The following EIF3H variants were observed in gnomAD, a reference collection of about 807,000 sequenced individuals.
The protein encoded by EIF3H is eIF-3-gamma.
Under a neutral mutation model 44.2 loss-of-function variants are expected in EIF3H, and 26 were observed. The ratio of observed to expected loss-of-function variants is 0.59; its 90% CI spans 0.43 to 0.82. The LOEUF (loss-of-function observed/expected upper bound fraction) is 0.82, where lower values mean the gene tolerates loss of function less well. Ranked by LOEUF, EIF3H falls within the 40% of genes least tolerant of loss-of-function variation. The pLI is 0.00. For missense variants in EIF3H, 359 were observed against 432.8 expected (o/e 0.83, Z 1.51); for synonymous variants, 166 against 151.9 (o/e 1.09, Z -0.68).
At chr8:116,655,718 C>A in intron 5 of EIF3H, 138 bp downstream of exon 5, 1 of 878,678 alleles carries the variant, frequency 1.1e-6, no homozygotes, top group Admixed American at 2.7e-5. Context: ...CAGACTATTA[C>A]TCCATGTTAT....
At chr8:116,754,762 G>T (rs970471146) in intron 1 of EIF3H, among the ~76,000 whole-genome samples, 2 of 152,230 alleles carry the variant, frequency 1.3e-5, no homozygotes, top group African/African-American at 4.8e-5. Flanking sequence ...AACTAAGTCA[G>T]TTCAACAGAT....
chr8:116,754,675 AC>A (rs1815411306), intron 1 of EIF3H, among the ~76,000 whole-genome samples: 1 of 152,190 alleles, frequency 6.6e-6, no homozygotes, highest in Non-Finnish European at 1.5e-5. Flanking sequence ...CCTTAAAGTC[AC>A]AGAGCTGGTT....
intron 2 of EIF3H, among the ~76,000 whole-genome samples, chr8:116,680,800 G>A (rs1813971936): frequency 7.1e-6 from 1 of 141,104 alleles, no homozygotes; most frequent in Non-Finnish European, 1.5e-5. Flanking sequence ...CCCCCTCTGC[G>A]AGAAACACCC....
At chr8:116,733,821 A>G (rs1441840832) in intron 1 of EIF3H, among the ~76,000 whole-genome samples, 2 of 152,202 alleles carry the variant, frequency 1.3e-5, no homozygotes, top group African/African-American at 4.8e-5. Context: ...TTAATGAAAA[A>G]TATTTTATAA....
chr8:116,686,925 A>C (rs1405513684), intron 2 of EIF3H, among the ~76,000 whole-genome samples: 6 of 152,238 alleles, frequency 3.9e-5, no homozygotes, highest in African/African-American at 1.4e-4. Context: ...AGAATAAAAA[A>C]TAAAGCTGGG....
At chr8:116,691,038 G>A (rs749968589) in intron 2 of EIF3H, among the ~76,000 whole-genome samples, 21 of 152,094 alleles carry the variant, frequency 1.4e-4, no homozygotes, top group Non-Finnish European at 2.8e-4. Context: ...CAACTCTGTT[G>A]CCCCTCAGTA....
At chr8:116,758,494 A>G (rs947112892), upstream of EIF3H, among the ~76,000 whole-genome samples, 8 of 152,222 alleles carry the variant, frequency 5.3e-5, no homozygotes, top group Admixed American at 2.6e-4. Context: ...CAACAATACC[A>G]TCAACCAACA....
intron 1 of EIF3H, among the ~76,000 whole-genome samples, chr8:116,735,087 C>T (rs1011927527): frequency 2.0e-5 from 3 of 152,136 alleles, no homozygotes; most frequent in Admixed American, 6.5e-5. Context: ...ATATAGGTTG[C>T]AACTCCAATA....
chr8:116,666,566 TAGAG>T (rs1001553649), intron 2 of EIF3H, among the ~76,000 whole-genome samples: 21 of 152,012 alleles, frequency 1.4e-4, no homozygotes, highest in Admixed American at 1.3e-3. Flanking sequence ...TAGTGGAAGA[TAGAG>T]AGCCATCAGG....
chr8:116,692,596 G>A (rs1160975929), intron 2 of EIF3H, among the ~76,000 whole-genome samples: 5 of 152,128 alleles, frequency 3.3e-5, no homozygotes, highest in Non-Finnish European at 7.4e-5. Context: ...AATTAAGACA[G>A]GATTTCACAG....
At chr8:116,677,327 AC>A (rs1166587231) in intron 2 of EIF3H, among the ~76,000 whole-genome samples, 2 of 152,246 alleles carry the variant, frequency 1.3e-5, no homozygotes, top group Non-Finnish European at 2.9e-5. Context: ...TACATTTTCA[AC>A]TAAAACATGT....
At chr8:116,723,910 C>G (rs2130923006) in intron 2 of EIF3H, among the ~76,000 whole-genome samples, 1 of 152,216 alleles carries the variant, frequency 6.6e-6, no homozygotes, top group African/African-American at 2.4e-5. Context: ...AAGACAGATT[C>G]AATGCAATAC....
At chr8:116,747,245 TA>T (rs1000621238) in intron 1 of EIF3H, among the ~76,000 whole-genome samples, 4 of 152,158 alleles carry the variant, frequency 2.6e-5, no homozygotes, top group African/African-American at 9.7e-5. Context: ...TTTGTATTTT[TA>T]GTAGAGATGG....
At chr8:116,724,753 G>A (rs1814805822) in intron 2 of EIF3H, among the ~76,000 whole-genome samples, 1 of 152,104 alleles carries the variant, frequency 6.6e-6, no homozygotes, top group African/African-American at 2.4e-5. Flanking sequence ...CCTCACATCT[G>A]TTAAAATGGC....
chr8:116,720,934 A>C (rs1331859812), intron 2 of EIF3H, among the ~76,000 whole-genome samples: 1 of 152,074 alleles, frequency 6.6e-6, no homozygotes, highest in East Asian at 1.9e-4. Flanking sequence ...CAGAGTATAA[A>C]AGTTTGGAAA....
At chr8:116,684,615 G>A (rs1327934216) in intron 2 of EIF3H, among the ~76,000 whole-genome samples, 1 of 151,854 alleles carries the variant, frequency 6.6e-6, no homozygotes, top group African/African-American at 2.4e-5. Context: ...TGATGGGAAG[G>A]AAAAACACAG....
intron 2 of EIF3H, among the ~76,000 whole-genome samples, chr8:116,664,564 T>G (rs1278861776): frequency 1.3e-5 from 2 of 152,204 alleles, no homozygotes; most frequent in Admixed American, 6.5e-5. Context: ...AAGTGAGCCC[T>G]TGTGAAATAC....
chr8:116,677,900 C>T (rs374581855), intron 2 of EIF3H, among the ~76,000 whole-genome samples: 1 of 152,122 alleles, frequency 6.6e-6, no homozygotes, highest in African/African-American at 2.4e-5. Flanking sequence ...ACTATGTATA[C>T]TAATAAAAAA....
intron 2 of EIF3H, among the ~76,000 whole-genome samples, chr8:116,669,336 C>T (rs10505283): frequency 0.045 from 6,868 of 152,212 alleles, 265 homozygotes; most frequent in Admixed American, 0.15. Context: ...AAGTTTCTAT[C>T]TCCTGATTCC....
Sources: gnomAD v4.1 joint callset for allele counts (sites outside exome capture counted in the v4.1 genomes callset) on GRCh38, gnomAD v4.1.1 for gene constraint, MANE v1.5 for transcripts, NCBI Gene and HGNC (gene_info 2026-07-23, HGNC 2026-07-21) for gene names.